MEGF11: variants seen among roughly 807,000 people sequenced by gnomAD.
The protein encoded by MEGF11 is multiple EGF like domains 11.
In MEGF11, 126 loss-of-function variants were observed where a neutral mutation model predicts 146.6. That is an observed-to-expected ratio of 0.86 (90% CI 0.74 to 1.00). MEGF11 has a LOEUF of 1.00. MEGF11 is among the 50% of genes least tolerant of loss of function. The pLI, the probability that MEGF11 is intolerant of heterozygous loss-of-function variation, is 0.00. For synonymous variants in MEGF11, 532 were observed against 583.4 expected, an observed-to-expected ratio of 0.91 and a Z score of 1.27; for missense variants, 1,509 against 1,521.2, an observed-to-expected ratio of 0.99 and a Z score of 0.13.
intron 5 of MEGF11, among the ~76,000 whole-genome samples, chr15:66,086,363 G>T (rs1400281367): frequency 6.6e-6 from 1 of 152,170 alleles, no homozygotes; most frequent in Non-Finnish European, 1.5e-5. Flanking sequence ...TTGTCATCAG[G>T]TTTTCCAAAG....
chr15:65,900,169 G>T (rs1402239228), intron 24 of MEGF11, among the ~76,000 whole-genome samples: 3 of 152,212 alleles, frequency 2.0e-5, no homozygotes, highest in Non-Finnish European at 2.9e-5. Flanking sequence ...TGAGTTGATA[G>T]AAGTGATCTA....
intron 8 of MEGF11, among the ~76,000 whole-genome samples, chr15:65,969,315 C>T (rs2081223455): frequency 6.6e-6 from 1 of 152,176 alleles, no homozygotes; most frequent in African/African-American, 2.4e-5. Context: ...TGAGGATCTT[C>T]CTGATTCCAG....
intron 1 of MEGF11, among the ~76,000 whole-genome samples, chr15:66,203,559 C>A (rs1490820689): frequency 6.6e-6 from 1 of 152,198 alleles, no homozygotes; most frequent in Non-Finnish European, 1.5e-5. Context: ...ACAAGAAAGA[C>A]AGGATCCCAA....
At chr15:66,216,222 G>C (rs896755701) in intron 1 of MEGF11, among the ~76,000 whole-genome samples, 1 of 152,204 alleles carries the variant, frequency 6.6e-6, no homozygotes, top group Non-Finnish European at 1.5e-5. Flanking sequence ...TGTTGGCCTG[G>C]AGGAGTCTTT....
chr15:65,966,518 CAT>C (rs2141580349), intron 8 of MEGF11, among the ~76,000 whole-genome samples: 1 of 152,274 alleles, frequency 6.6e-6, no homozygotes, highest in South Asian at 2.1e-4. Flanking sequence ...TACTGGGAGA[CAT>C]ATCTCCTCCC....
chr15:66,144,610 C>T (rs768833676), intron 1 of MEGF11, among the ~76,000 whole-genome samples: 6 of 152,178 alleles, frequency 3.9e-5, no homozygotes, highest in Non-Finnish European at 7.3e-5. Context: ...AACAGGAATG[C>T]CCACTGACCC....
At chr15:65,914,551 C>T (rs2078927453) in intron 19 of MEGF11, among the ~76,000 whole-genome samples, 1 of 152,122 alleles carries the variant, frequency 6.6e-6, no homozygotes, top group East Asian at 1.9e-4. Context: ...TGACTGCCCG[C>T]AGGACCCCTC....
intron 7 of MEGF11, among the ~76,000 whole-genome samples, chr15:65,974,270 G>C (rs1162439756): frequency 6.6e-6 from 1 of 152,054 alleles, no homozygotes; most frequent in African/African-American, 2.4e-5. Context: ...GGGGGGCTAA[G>C]AGGAGGGGCT....
intron 5 of MEGF11, among the ~76,000 whole-genome samples, chr15:66,014,370 C>T (rs762101275): frequency 6.6e-6 from 1 of 152,200 alleles, no homozygotes; most frequent in Non-Finnish European, 1.5e-5. Flanking sequence ...ACTATTCGAT[C>T]CAGTATACAG....
rs1489960257 is a variant in MEGF11, at chr15:66,252,176, C to T, written c.-9+1429G>A. On this transcript the variant is annotated intron_variant, in intron 1 of 25. Transcript: ENST00000395614. ...TCCGGGAACGAGTGGGACTGAGCCC[C>T]CGGCAGGCTCCGATTGCCCCAGCCG... Among the ~76,000 whole-genome samples, 3 of 152,128 alleles carry T rather than the reference C, an allele frequency of 2.0e-5. No homozygotes were observed. The East Asian group carries it at 5.8e-4, about 29-fold the overall frequency.
chr15:65,922,613 G>T, intron 14 of MEGF11, 141 bp from the exon 15 acceptor site: 1 of 1,350,222 alleles, frequency 7.4e-7, no homozygotes, highest in Non-Finnish European at 9.8e-7. Context: ...TTTCTGCAGA[G>T]AAGAGCTGTG....
At chr15:65,957,034 G>A (rs1176005196) in intron 10 of MEGF11, among the ~76,000 whole-genome samples, 2 of 152,192 alleles carry the variant, frequency 1.3e-5, no homozygotes, top group Non-Finnish European at 2.9e-5. Context: ...GGTGCGGTGA[G>A]GGAATGCTAT....
In MEGF11 at chr15:65,913,834, C is replaced by T. The variant is rs527545770; in HGVS notation, c.2613G>A (p.Trp871Ter). The T allele has an allele frequency of 6.2e-7, 1 of 1,613,966 alleles. No individual in the cohort carries two copies. The highest frequency in any genetic ancestry group is 1.1e-5 in the South Asian group (1 of 91,070). ...CCTTCTCTTTCTGCCGCCGCCGATG[C>T]CAGGCAAATAGGCCCAGCAGCACCA... ...LIVVLLGLFAWHRRRQKEKGR... is the reference protein window; with the variant it reads ...LIVVLLGLFA The change falls in exon 20 of 26, where the codon TGG becomes TGA. Residue 871 changes from tryptophan (W) to a stop codon, truncating the protein, a stop_gained. Coordinates refer to ENST00000395614, the MANE Select transcript of MEGF11 (RefSeq NM_001385028.1). LOFTEE classifies it high-confidence loss of function.
chr15:66,149,087 C>G (rs1436709088), intron 1 of MEGF11, among the ~76,000 whole-genome samples: 1 of 152,202 alleles, frequency 6.6e-6, no homozygotes, highest in East Asian at 1.9e-4. Context: ...GCCTCCTGCT[C>G]GCCCTTTGCC....
At chr15:66,109,324 C>A (rs1335300352) in intron 4 of MEGF11, among the ~76,000 whole-genome samples, 2 of 152,156 alleles carry the variant, frequency 1.3e-5, no homozygotes, top group Non-Finnish European at 2.9e-5. Flanking sequence ...CCCTTGTTGA[C>A]CTCATGAGAT....
At chr15:66,065,518 G>A (rs776610921) in intron 5 of MEGF11, among the ~76,000 whole-genome samples, 7 of 152,118 alleles carry the variant, frequency 4.6e-5, no homozygotes, top group Middle Eastern at 3.2e-3. Context: ...TCCAAGTAGC[G>A]TTTCCCTTGT....
intron 1 of MEGF11, among the ~76,000 whole-genome samples, chr15:66,144,430 C>A (rs1397624594): frequency 6.6e-6 from 1 of 152,146 alleles, no homozygotes; most frequent in Non-Finnish European, 1.5e-5. Context: ...AGCATGGGTA[C>A]CCCCTTCCTG....
intron 5 of MEGF11, among the ~76,000 whole-genome samples, chr15:66,037,900 C>A (rs926449412): frequency 6.6e-6 from 1 of 152,226 alleles, no homozygotes; most frequent in African/African-American, 2.4e-5. Context: ...GCACAGGAGG[C>A]ACCCTCAACC....
chr15:66,013,546 C>G (rs921244181), intron 5 of MEGF11, among the ~76,000 whole-genome samples: 2 of 152,198 alleles, frequency 1.3e-5, no homozygotes, highest in Admixed American at 6.5e-5. Flanking sequence ...CACTGAGGAA[C>G]AGATGTAGGA....
Sources: gnomAD v4.1 joint callset for allele counts (sites outside exome capture counted in the v4.1 genomes callset) on GRCh38, gnomAD v4.1.1 for gene constraint, MANE v1.5 for transcripts, NCBI Gene and HGNC (gene_info 2026-07-23, HGNC 2026-07-21) for gene names.